DAG1: variants seen among roughly 807,000 people sequenced by gnomAD.
DAG1 encodes the protein dystroglycan 1, also known as dystroglycan 1 (dystrophin-associated glycoprotein 1).
A neutral mutation model predicts 46.1 loss-of-function variants in DAG1; 8 were observed. That is an observed-to-expected ratio of 0.17 (90% CI 0.10 to 0.31). DAG1 has a LOEUF of 0.31. Ranked by LOEUF, DAG1 falls within the 10% of genes least tolerant of loss-of-function variation. The pLI, the probability that DAG1 is intolerant of heterozygous loss-of-function variation, is 1.00. For synonymous variants in DAG1, 495 were observed against 481.8 expected (o/e 1.03, Z -0.36); for missense variants, 1,003 against 1,189.9 (o/e 0.84, Z 2.31).
intron 1 of DAG1, among the ~76,000 whole-genome samples, chr3:49,506,504 T>C (rs1021333091): frequency 6.6e-6 from 1 of 152,228 alleles, no homozygotes; most frequent in South Asian, 2.1e-4. Flanking sequence ...TTTTTTATTA[T>C]GAATCAGTGT....
chr3:49,497,195 G>T (rs563513340), intron 1 of DAG1, among the ~76,000 whole-genome samples: 1 of 151,924 alleles, frequency 6.6e-6, no homozygotes, highest in South Asian at 2.1e-4. Flanking sequence ...CCAGCACTTT[G>T]GGAGGCCGAG....
intron 2 of DAG1, among the ~76,000 whole-genome samples, chr3:49,518,527 C>G (rs888547407): frequency 3.3e-5 from 5 of 152,184 alleles, no homozygotes; most frequent in Non-Finnish European, 7.3e-5. Flanking sequence ...TTGGTGTATA[C>G]TTTACACGTC....
chr3:49,477,314 A>G (rs1213814233), intron 1 of DAG1, among the ~76,000 whole-genome samples: 1 of 151,900 alleles, frequency 6.6e-6, no homozygotes, highest in African/African-American at 2.4e-5. Flanking sequence ...TTTTTGAGAC[A>G]GGATCTCTGT....
At chr3:49,495,764 AC>A (rs1243064275) in intron 1 of DAG1, among the ~76,000 whole-genome samples, 1 of 152,068 alleles carries the variant, frequency 6.6e-6, no homozygotes, top group African/African-American at 2.4e-5. Context: ...TACTACAAAT[AC>A]AAAAATTAGC....
intron 1 of DAG1, among the ~76,000 whole-genome samples, chr3:49,494,605 C>CAT (rs1267513710): frequency 2.0e-5 from 3 of 151,908 alleles, no homozygotes; most frequent in African/African-American, 7.3e-5. Context: ...ATCAAGTGAT[C>CAT]ATTGCCTTTA....
chr3:49,474,526 A>G (rs2049621584), intron 1 of DAG1, among the ~76,000 whole-genome samples: 2 of 151,926 alleles, frequency 1.3e-5, no homozygotes, highest in South Asian at 2.1e-4. Flanking sequence ...TTGTATTTTT[A>G]GTAGAGATGG....
In DAG1 at chr3:49,532,730, A is replaced by C; in HGVS notation, c.2219A>C (p.Asp740Ala). The C allele has an allele frequency of 6.2e-7, 1 of 1,614,108 alleles. No individual in the cohort carries two copies. Residue 740 changes from aspartate to alanine, a missense_variant, in exon 3 of 3, where the codon GAC becomes GCC. Asp to Ala is a moderately radical substitution (Grantham distance 126). This residue lies in a region of DAG1 where 755 missense variants were observed against 854.1 expected (regional missense o/e 0.88). Coordinates refer to ENST00000308775, the MANE Select transcript of DAG1 (RefSeq NM_004393.6). This position sits in a 1 kb window ranked among gnomAD's most constrained non-coding sequence, Gnocchi z 5.4. The part of the protein sequence containing the change: ...EAPPTEVPDR[D>A]PEKSSEDDVY... ...CCGCCCACAGAAGTGCCTGACAGGG[A>C]CCCTGAGAAGAGCAGTGAGGATGAT...
At chr3:49,517,080 G>A (rs767077915) in intron 2 of DAG1, among the ~76,000 whole-genome samples, 6 of 144,904 alleles carry the variant, frequency 4.1e-5, no homozygotes, top group African/African-American at 1.0e-4. Flanking sequence ...TGCAACCTCC[G>A]TCTCCCAGGT....
At chr3:49,523,220 G>A (rs879290964) in intron 2 of DAG1, among the ~76,000 whole-genome samples, 48 of 152,142 alleles carry the variant, frequency 3.2e-4, no homozygotes, top group Non-Finnish European at 3.8e-4. Context: ...AATCCCATGT[G>A]TAAATGTGCC....
At chr3:49,500,157 T>G (rs1006593658) in intron 1 of DAG1, among the ~76,000 whole-genome samples, 1 of 151,682 alleles carries the variant, frequency 6.6e-6, no homozygotes, top group Non-Finnish European at 1.5e-5. Flanking sequence ...GGATTATAGG[T>G]GTCCGCCACC....
intron 2 of DAG1, among the ~76,000 whole-genome samples, chr3:49,513,483 TTCTAG>T (rs1161120054): frequency 6.6e-6 from 1 of 152,090 alleles, no homozygotes; most frequent in East Asian, 1.9e-4. Context: ...AGCCCCAGGC[TTCTAG>T]ATTAGAAATG....
At chr3:49,499,186 T>G (rs1345899518) in intron 1 of DAG1, among the ~76,000 whole-genome samples, 1 of 152,214 alleles carries the variant, frequency 6.6e-6, no homozygotes, top group African/African-American at 2.4e-5. Flanking sequence ...TCTTTTATTC[T>G]TGGGAAGCAA....
intron 1 of DAG1, among the ~76,000 whole-genome samples, chr3:49,472,846 G>T (rs1380502650): frequency 6.6e-6 from 1 of 151,954 alleles, no homozygotes; most frequent in Non-Finnish European, 1.5e-5. Flanking sequence ...CAGGCAGGGC[G>T]TGGTGGCTCA....
Position 49,532,600 on chromosome 3 carries a change from G to T in DAG1, c.2089G>T (p.Glu697Ter). ...TCGGCCTGCCTTCTCCAACGCCCTA[G>T]AGCCTGACTTTAAGGCCACAAGCAT... ...KPRPAFSNAL[E>*]PDFKATSITV... The change falls in exon 3 of 3, where the codon GAG (glutamate) becomes TAG (stop). Residue 697 changes from glutamate to a stop codon, truncating the protein, a stop_gained. Coordinates refer to ENST00000308775, the MANE Select transcript of DAG1 (RefSeq NM_004393.6). LOFTEE classifies it high-confidence loss of function. This position sits in a 1 kb window ranked among gnomAD's most constrained non-coding sequence, Gnocchi z 5.4. 6.2e-7 allele frequency: 1 copy of T among 1,612,992 alleles called. No homozygotes were observed. Among genetic ancestry groups the T allele is most frequent in the Non-Finnish European group, 8.5e-7 (1 of 1,179,104 alleles).
chr3:49,498,617 A>T (rs1473258098), intron 1 of DAG1, among the ~76,000 whole-genome samples: 1 of 151,954 alleles, frequency 6.6e-6, no homozygotes. Context: ...TCTGCTTTTT[A>T]TGTTTTCCAA....
rs2050731774 is a variant in DAG1 at position 49,510,476 on chromosome 3, C to T, written c.-59C>T. ...AGAGGGTGAGAACCCAGCTCTGGGACCAAGTCACTTGCTTCCTTACTTAGC... is the reference window on the plus strand; with the variant it reads ...AGAGGGTGAGAACCCAGCTCTGGGATCAAGTCACTTGCTTCCTTACTTAGC... On this transcript the variant is annotated 5_prime_UTR_variant, in exon 2 of 3. Coordinates refer to ENST00000308775, the MANE Select transcript of DAG1 (RefSeq NM_004393.6). 5 of 1,567,808 alleles carry T rather than the reference C, an allele frequency of 3.2e-6. No individual in the cohort carries two copies. Among genetic ancestry groups the T allele is most frequent in the Non-Finnish European group, 4.4e-6 (5 of 1,145,384 alleles).
intron 2 of DAG1, among the ~76,000 whole-genome samples, chr3:49,527,461 G>T (rs928998199): frequency 6.6e-6 from 1 of 151,388 alleles, no homozygotes; most frequent in African/African-American, 2.4e-5. Context: ...GGCGGAGCTT[G>T]CAGTGAGCCG....
intron 1 of DAG1, among the ~76,000 whole-genome samples, chr3:49,473,186 C>T (rs1190280989): frequency 2.6e-5 from 4 of 151,808 alleles, no homozygotes; most frequent in East Asian, 3.9e-4. Context: ...GAGGCTGAGG[C>T]GGGTGGATCA....
At chr3:49,527,068 A>G (rs1575405426) in intron 2 of DAG1, among the ~76,000 whole-genome samples, 1 of 152,170 alleles carries the variant, frequency 6.6e-6, no homozygotes, top group East Asian at 1.9e-4. Context: ...AGCCTTGAGA[A>G]GGCAGGGCCC....
Sources: gnomAD v4.1 joint callset for allele counts (sites outside exome capture counted in the v4.1 genomes callset) on GRCh38, gnomAD v4.1.1 for gene constraint, gnomAD v4.1.1 regional missense constraint, Gnocchi (gnomAD v3.1) non-coding constraint, MANE v1.5 for transcripts, NCBI Gene and HGNC (gene_info 2026-07-23, HGNC 2026-07-21) for gene names.